MAN2A1: variants seen among roughly 807,000 people sequenced by gnomAD.
MAN2A1 encodes mannosidase alpha class 2A member 1.
Under a neutral mutation model 142.6 loss-of-function variants are expected in MAN2A1, and 76 were observed. That is an observed-to-expected ratio of 0.53 (90% confidence interval 0.44 to 0.65). The LOEUF (loss-of-function observed/expected upper bound fraction) is 0.65, where lower values mean the gene tolerates loss of function less well. Ranked by LOEUF, MAN2A1 falls within the 30% of genes least tolerant of loss-of-function variation. The pLI, the probability that MAN2A1 is intolerant of heterozygous loss-of-function variation, is 0.00. For missense variants in MAN2A1, 1,311 were observed against 1,365.1 expected (o/e 0.96, Z 0.62); for synonymous variants, 559 against 473.2 (o/e 1.18, Z -2.35).
Position 109,781,475 on chromosome 5 carries a change from T to C in MAN2A1, c.1454T>C (p.Met485Thr), listed in dbSNP as rs1294669059. Residue 485 changes from methionine to threonine, a missense_variant, in exon 9 of 22, where the codon ATG (methionine) becomes ACG (threonine). Around this residue, in one of 3 missense-constraint regions of MAN2A1, gnomAD observed 890 missense variants for 920.5 expected, o/e 0.97. Transcript: ENST00000261483. ...DETQRDKGQS[M>T]FPVLSGDFFT... ...ACTCAGAGAGACAAGGGCCAATCGA[T>C]GTTCCCTGTTTTAAGTGGAGATTTT... 2 of 1,613,484 alleles carry C rather than the reference T, an allele frequency of 1.2e-6. No individual in the cohort carries two copies. Among genetic ancestry groups the C allele is most frequent in the East Asian group, 2.2e-5 (1 of 44,792 alleles).
intron 4 of MAN2A1, among the ~76,000 whole-genome samples, chr5:109,744,209 C>T (rs575148750): frequency 6.6e-6 from 1 of 152,166 alleles, no homozygotes; most frequent in South Asian, 2.1e-4. Flanking sequence ...GGTCCCAGCC[C>T]TCAGAAAACA....
chr5:109,780,512 G>A (rs1055584889), intron 8 of MAN2A1, among the ~76,000 whole-genome samples: 1 of 73,156 alleles, frequency 1.4e-5, no homozygotes, highest in African/African-American at 4.6e-5. Context: ...TGCAATATCT[G>A]TGTGTGTGTG....
intron 16 of MAN2A1, among the ~76,000 whole-genome samples, chr5:109,839,294 A>G (rs1268344167): frequency 6.6e-6 from 1 of 152,216 alleles, no homozygotes; most frequent in Non-Finnish European, 1.5e-5. Flanking sequence ...ATGTAAGCAT[A>G]CTGAAAAGAG....
In MAN2A1 at chr5:109,784,023, A is replaced by T. The variant is rs551640156; in HGVS notation, c.1578-721A>T. Among the ~76,000 whole-genome samples, 123 of 151,946 alleles carry T rather than the reference A, an allele frequency of 8.1e-4. 1 individual carries two copies. The highest frequency in any genetic ancestry group is 2.4e-3 in the African/African-American group (98 of 41,440). ...TAGGACTATAGGTGCATGTCACTAC[A>T]CCTGGCTAAGATAGAGTCTCTCTAT... On this transcript the variant is annotated intron_variant, in intron 9 of 21. Coordinates refer to ENST00000261483, the MANE Select transcript of MAN2A1 (RefSeq NM_002372.4).
chr5:109,720,424 TATG>T (rs1364679837), intron 3 of MAN2A1, among the ~76,000 whole-genome samples: 1 of 152,210 alleles, frequency 6.6e-6, no homozygotes, highest in Non-Finnish European at 1.5e-5. Flanking sequence ...CATTTAGTAT[TATG>T]ATAATTATGT....
intron 4 of MAN2A1, among the ~76,000 whole-genome samples, chr5:109,731,427 T>A (rs954176975): frequency 7.9e-5 from 12 of 151,658 alleles, no homozygotes; most frequent in African/African-American, 2.9e-4. Context: ...TAGTTACATA[T>A]GTATACATGT....
intron 16 of MAN2A1, among the ~76,000 whole-genome samples, chr5:109,836,931 C>T (rs915647864): frequency 1.3e-5 from 2 of 151,888 alleles, no homozygotes; most frequent in African/African-American, 4.8e-5. Context: ...GTTTATCATG[C>T]TATACAAATG....
intron 12 of MAN2A1, among the ~76,000 whole-genome samples, chr5:109,816,763 TAA>T (rs1052530976): frequency 6.6e-6 from 1 of 152,218 alleles, no homozygotes; most frequent in Non-Finnish European, 1.5e-5. Flanking sequence ...CGTATTTATA[TAA>T]GTCTTTTTCT....
At position 109,713,757 on chromosome 5, in the gene MAN2A1, C is replaced by A. The variant is rs896954244; in HGVS notation, c.373C>A (p.His125Asn). The change falls in exon 2 of 22, where the codon CAC becomes AAC. Residue 125 changes from histidine to asparagine, a missense_variant. Coordinates refer to ENST00000261483, the MANE Select transcript of MAN2A1 (RefSeq NM_002372.4). Reference protein sequence around the residue: ...DCLFASQSGSHNSDVQMLDVY... With the variant: ...DCLFASQSGSNNSDVQMLDVY... ...TCTGTTTGCTTCACAAAGTGGAAGT[C>A]ACAATTCAGATGTGCAGGTAATGTA... The A allele has an allele frequency of 1.9e-6, 3 of 1,613,374 alleles. No individual in the cohort carries two copies. The highest frequency in any genetic ancestry group is 2.7e-5 in the African/African-American group (2 of 74,830).
At chr5:109,802,107 C>A (rs10036979) in intron 12 of MAN2A1, among the ~76,000 whole-genome samples, 4,449 of 152,156 alleles carry the variant, frequency 0.029, 212 homozygotes, top group African/African-American at 0.1. Context: ...TTGCCTCTTT[C>A]ATTTCTTCTT....
chr5:109,711,233 T>C (rs995563324), intron 1 of MAN2A1, among the ~76,000 whole-genome samples: 2 of 152,346 alleles, frequency 1.3e-5, no homozygotes. Context: ...AATCAACATG[T>C]TCTAATACTG....
intron 21 of MAN2A1, among the ~76,000 whole-genome samples, chr5:109,866,390 T>C (rs1348149747): frequency 6.6e-6 from 1 of 152,110 alleles, no homozygotes; most frequent in African/African-American, 2.4e-5. Context: ...CTCTCTTAAC[T>C]CTGTTGGAAC....
rs79882495 is a variant in MAN2A1 at position 109,865,376 on chromosome 5, C to G, written c.3282+230C>G. ...GCTGGAATTTATGCACATTTGAAGGCAATGCTCTTGTTATTTCCTAGGCCT... is the reference window on the plus strand; with the variant it reads ...GCTGGAATTTATGCACATTTGAAGGGAATGCTCTTGTTATTTCCTAGGCCT... On this transcript the variant is annotated intron_variant, in intron 21 of 21. Transcript: ENST00000261483. 5.4e-4 allele frequency: 270 copies of G among 502,894 alleles called. 3 individuals are homozygous for G. In the East Asian group the frequency reaches 9.2e-3, roughly 17 times the overall value. The allele number at this position is 502,894 out of a possible 1,614,324, so 31.2% of individuals were successfully genotyped here.
chr5:109,817,374 C>T lies in MAN2A1; in HGVS notation c.2045C>T (p.Pro682Leu). 1 of 1,614,040 alleles carries T rather than the reference C, an allele frequency of 6.2e-7. No homozygotes were observed. The highest frequency in any genetic ancestry group is 8.5e-7 in the Non-Finnish European group (1 of 1,179,982). ...CAAGTGTTCTCTGCTTCAGGAAAAC[C>T]TGTGGAAGTTCAAGTCAGCGCAGTT... ...TVQVFSASGK[P>L]VEVQVSAVWD... The change falls in exon 13 of 22, where the codon CCT becomes CTT. Residue 682 changes from proline to leucine, a missense_variant. Around this residue, in one of 3 missense-constraint regions of MAN2A1, gnomAD observed 890 missense variants for 920.5 expected, o/e 0.97. Coordinates refer to ENST00000261483, the MANE Select transcript of MAN2A1 (RefSeq NM_002372.4).
Position 109,819,903 on chromosome 5 carries a change from T to A in MAN2A1, c.2328+16T>A. ...ACTTATGAAGGTATGTTCTGAATAG[T>A]TCTAAAATTCATAGAATGCTTATCA... On this transcript the variant is annotated intron_variant, in intron 14 of 21. Transcript: ENST00000261483. 1 of 1,483,822 alleles carries A rather than the reference T, an allele frequency of 6.7e-7. No individual in the cohort carries two copies. Among genetic ancestry groups the A allele is most frequent in the Non-Finnish European group, 9.1e-7 (1 of 1,099,598 alleles). 91.9% of individuals were successfully genotyped at this position (1,483,822 alleles called of 1,614,324 possible).
intron 19 of MAN2A1, among the ~76,000 whole-genome samples, chr5:109,850,545 C>G (rs979142693): frequency 5.3e-5 from 8 of 152,222 alleles, no homozygotes; most frequent in Non-Finnish European, 1.2e-4. Flanking sequence ...AAATCAATCA[C>G]TGACAAGATA....
At chr5:109,820,136 A>T (rs41295843) in intron 14 of MAN2A1, 84 bp from the exon 15 acceptor site, 70,917 of 1,216,334 alleles carry the variant, frequency 0.058, 2,241 homozygotes, top group Non-Finnish European at 0.065. Context: ...TTATTTTTTT[A>T]AATTGTCATA....
At chr5:109,738,364 A>G (rs573302654) in intron 4 of MAN2A1, among the ~76,000 whole-genome samples, 18 of 151,862 alleles carry the variant, frequency 1.2e-4, no homozygotes, top group Middle Eastern at 6.8e-3. Context: ...CTCCTAGACT[A>G]AGATTTATTT....
intron 3 of MAN2A1, 79 bp downstream of exon 3, chr5:109,716,343 G>C: frequency 1.0e-5 from 12 of 1,171,506 alleles, no homozygotes; most frequent in Non-Finnish European, 1.4e-5. Context: ...ATCTGGTAGA[G>C]GCCACTTCTC....
Sources: allele counts gnomAD v4.1 joint callset (sites outside exome capture counted in the v4.1 genomes callset), GRCh38; gene constraint gnomAD v4.1.1; regional missense constraint gnomAD v4.1.1; transcripts MANE v1.5; gene names NCBI Gene and HGNC (gene_info 2026-07-23, HGNC 2026-07-21).